The following RSU1 variants were observed in gnomAD, a reference collection of about 807,000 sequenced individuals.
The protein encoded by RSU1 is rsu-1.
In RSU1, 26 loss-of-function variants were observed where a neutral mutation model predicts 31.1. That is an observed-to-expected ratio of 0.84 (90% CI 0.61 to 1.16). The LOEUF (loss-of-function observed/expected upper bound fraction) is 1.16. RSU1 is among the 50% of genes most tolerant of loss of function. RSU1 has a pLI of 0.00. For missense variants in RSU1, 320 were observed against 339.1 expected (o/e 0.94, Z 0.44); for synonymous variants, 164 against 136.3 (o/e 1.20, Z -1.41).
chr10:16,628,290 C>G (rs1445062601), intron 8 of RSU1, among the ~76,000 whole-genome samples: 1 of 152,216 alleles, frequency 6.6e-6, no homozygotes, highest in Non-Finnish European at 1.5e-5. Flanking sequence ...GTAAGAATAT[C>G]AGCGCATTAT....
intron 8 of RSU1, among the ~76,000 whole-genome samples, chr10:16,657,998 A>T (rs1283134569): frequency 6.6e-6 from 1 of 151,792 alleles, no homozygotes; most frequent in Non-Finnish European, 1.5e-5. Flanking sequence ...TCAAAAAAAA[A>T]TAATAAAAAA....
At chr10:16,692,351 A>C (rs888231976) in intron 8 of RSU1, among the ~76,000 whole-genome samples, 1 of 152,222 alleles carries the variant, frequency 6.6e-6, no homozygotes, top group African/African-American at 2.4e-5. Flanking sequence ...CTCACAATTT[A>C]ATCTTTTAAA....
At chr10:16,762,959 GC>G (rs2131629909) in intron 4 of RSU1, among the ~76,000 whole-genome samples, 1 of 150,358 alleles carries the variant, frequency 6.7e-6, no homozygotes, top group South Asian at 2.1e-4. Flanking sequence ...GCTGCAGCTA[GC>G]CCAGATCGCC....
intron 5 of RSU1, 84 bp from the exon 6 acceptor site, chr10:16,753,084 G>C (rs1052106516): frequency 9.8e-7 from 1 of 1,017,808 alleles, no homozygotes; most frequent in African/African-American, 1.6e-5. Context: ...AGTCAGCTTT[G>C]ATTAATAACC....
intron 7 of RSU1, among the ~76,000 whole-genome samples, chr10:16,699,404 GA>G (rs1447186207): frequency 6.6e-6 from 1 of 152,204 alleles, no homozygotes. Context: ...TATATTGTGT[GA>G]AAAGATGACA....
chr10:16,629,072 G>C (rs1834205089), intron 8 of RSU1, among the ~76,000 whole-genome samples: 1 of 152,144 alleles, frequency 6.6e-6, no homozygotes, highest in African/African-American at 2.4e-5. Context: ...AACTCAGGCT[G>C]TGTTCCTGTG....
intron 2 of RSU1, among the ~76,000 whole-genome samples, chr10:16,809,510 T>G (rs576506965): frequency 6.6e-6 from 1 of 152,264 alleles, no homozygotes; most frequent in Non-Finnish European, 1.5e-5. Context: ...ACACAGAGGC[T>G]CAACACTGAC....
At chr10:16,595,887 T>C (rs1019487261) in intron 8 of RSU1, among the ~76,000 whole-genome samples, 1 of 151,976 alleles carries the variant, frequency 6.6e-6, no homozygotes, top group East Asian at 1.9e-4. Context: ...CAGAATTACT[T>C]GAACCTGGGA....
In RSU1 at chr10:16,802,388, A is replaced by G. The variant is rs375046995; in HGVS notation, c.109+14585T>C. Among the ~76,000 whole-genome samples, 3 of 152,214 alleles carry G rather than the reference A, an allele frequency of 2.0e-5. No homozygotes were observed. The South Asian group carries it at 6.2e-4, about 32-fold the overall frequency. On this transcript the variant is annotated intron_variant, in intron 2 of 8. Transcript: ENST00000345264. ...AAATTCACACAGGAAGAAACAGATCATTTGAGTGGGCCTACGTCTATTAAA... is the reference window on the plus strand; with the variant it reads ...AAATTCACACAGGAAGAAACAGATCGTTTGAGTGGGCCTACGTCTATTAAA...
At chr10:16,715,789 G>A (rs533797699) in intron 7 of RSU1, among the ~76,000 whole-genome samples, 4 of 152,162 alleles carry the variant, frequency 2.6e-5, no homozygotes, top group Non-Finnish European at 5.9e-5. Flanking sequence ...CTTGAGGTCT[G>A]TTGCAATTCC....
chr10:16,632,709 T>C (rs1834274804), intron 8 of RSU1, among the ~76,000 whole-genome samples: 1 of 152,100 alleles, frequency 6.6e-6, no homozygotes, highest in Non-Finnish European at 1.5e-5. Flanking sequence ...GAGGCCGAGA[T>C]GGGCATATCA....
At chr10:16,596,546 C>T (rs769425731) in intron 8 of RSU1, among the ~76,000 whole-genome samples, 7 of 152,170 alleles carry the variant, frequency 4.6e-5, no homozygotes, top group African/African-American at 1.7e-4. Flanking sequence ...TGGCAGGAAG[C>T]AAGGGTCTGA....
chr10:16,618,984 T>TA (rs1416686738), intron 8 of RSU1, among the ~76,000 whole-genome samples: 2 of 152,068 alleles, frequency 1.3e-5, no homozygotes, highest in Non-Finnish European at 2.9e-5. Flanking sequence ...CCCAGAACTT[T>TA]AAAAAAATTA....
chr10:16,785,488 AC>A (rs1837767933), intron 2 of RSU1, among the ~76,000 whole-genome samples: 1 of 129,166 alleles, frequency 7.7e-6, no homozygotes, highest in Non-Finnish European at 1.5e-5. Flanking sequence ...ATACATATAT[AC>A]ATATATATAT....
intron 8 of RSU1, among the ~76,000 whole-genome samples, chr10:16,629,048 C>T (rs1365013505): frequency 2.0e-5 from 3 of 152,302 alleles, no homozygotes; most frequent in East Asian, 3.9e-4. Context: ...ATCAACACCG[C>T]TGCCATGGAG....
intron 4 of RSU1, among the ~76,000 whole-genome samples, chr10:16,759,069 A>G (rs1227409853): frequency 6.6e-6 from 1 of 152,250 alleles, no homozygotes; most frequent in East Asian, 1.9e-4. Flanking sequence ...GTCTGTACTA[A>G]TGCCTCCTTT....
chr10:16,722,979 T>C (rs190119286), intron 7 of RSU1: 5 of 150,102 alleles, frequency 3.3e-5, no homozygotes, highest in South Asian at 4.2e-4. Context: ...TATGTATATA[T>C]ACACACATAT....
chr10:16,624,779 C>A (rs1834127677), intron 8 of RSU1, among the ~76,000 whole-genome samples: 1 of 152,166 alleles, frequency 6.6e-6, no homozygotes, highest in Non-Finnish European at 1.5e-5. Flanking sequence ...TCCACATAGT[C>A]TGGTCCCATG....
chr10:16,792,373 C>T (rs984249452), intron 2 of RSU1, among the ~76,000 whole-genome samples: 1 of 152,208 alleles, frequency 6.6e-6, no homozygotes, highest in South Asian at 2.1e-4. Context: ...GCTGAGACTA[C>T]AGGCACGCAC....
Sources: gnomAD v4.1 joint callset for allele counts (sites outside exome capture counted in the v4.1 genomes callset) on GRCh38, gnomAD v4.1.1 for gene constraint, MANE v1.5 for transcripts, NCBI Gene and HGNC (gene_info 2026-07-23, HGNC 2026-07-21) for gene names.